Variants in OSBPL8 observed in about 807,000 individuals in gnomAD.
OSBPL8 encodes oxysterol-binding protein-related protein 8.
A neutral mutation model predicts 125.5 loss-of-function variants in OSBPL8; 59 were observed. The observed-to-expected ratio is 0.47, with a 90% confidence interval of 0.38 to 0.58. OSBPL8 has a LOEUF of 0.58. Ranked by LOEUF, OSBPL8 falls within the 20% of genes least tolerant of loss-of-function variation. The pLI is 0.00. For missense variants in OSBPL8, 758 were observed against 1,047.8 expected (o/e 0.72, Z 3.82); for synonymous variants, 330 against 338.9 (o/e 0.97, Z 0.29).
chr12:76,358,880 T>C, intron 21 of OSBPL8, 69 bp from the exon 22 acceptor site: 1 of 1,186,876 alleles, frequency 8.4e-7, no homozygotes, highest in Non-Finnish European at 1.3e-6. Context: ...TGTGTACAAT[T>C]GTCAAAATTA....
At chr12:76,392,507 C>T (rs754065155) in intron 10 of OSBPL8, 74 bp downstream of exon 10, 39 of 1,405,608 alleles carry the variant, frequency 2.8e-5, no homozygotes, top group Non-Finnish European at 3.5e-5. Flanking sequence ...TACTAAAATT[C>T]TAGGCCTGCC....
At chr12:76,406,602 G>A (rs1185387404) in intron 5 of OSBPL8, among the ~76,000 whole-genome samples, 1 of 152,116 alleles carries the variant, frequency 6.6e-6, no homozygotes, top group Non-Finnish European at 1.5e-5. Context: ...CCTAGGAAAA[G>A]GTGCATGAGA....
chr12:76,545,472 C>T (rs948420135), intron 1 of OSBPL8, among the ~76,000 whole-genome samples: 10 of 152,116 alleles, frequency 6.6e-5, no homozygotes, highest in African/African-American at 1.9e-4. Flanking sequence ...CTTAAGCTGA[C>T]GGTTCATTAC....
chr12:76,481,567 C>A (rs1179068624), intron 2 of OSBPL8, among the ~76,000 whole-genome samples: 1 of 152,060 alleles, frequency 6.6e-6, no homozygotes, highest in Admixed American at 6.6e-5. Flanking sequence ...GAATTCAAGG[C>A]TGCAGTGAGC....
intron 1 of OSBPL8, among the ~76,000 whole-genome samples, chr12:76,497,293 G>A (rs181614984): frequency 6.7e-6 from 1 of 150,062 alleles, no homozygotes; most frequent in Admixed American, 6.7e-5. Context: ...TTCTGATGTT[G>A]TAGCATGAAA....
At chr12:76,508,183 A>G (rs1178971660) in intron 1 of OSBPL8, among the ~76,000 whole-genome samples, 2 of 152,150 alleles carry the variant, frequency 1.3e-5, no homozygotes, top group Non-Finnish European at 2.9e-5. Context: ...AAAAAAAAAA[A>G]GAAGAATATT....
At chr12:76,467,398 AC>A (rs1875586114) in intron 2 of OSBPL8, among the ~76,000 whole-genome samples, 1 of 152,142 alleles carries the variant, frequency 6.6e-6, no homozygotes, top group African/African-American at 2.4e-5. Context: ...AAACTTCAAA[AC>A]ATTTCTACCT....
chr12:76,410,612 A>T lies in OSBPL8; in HGVS notation c.240T>A (p.Asp80Glu). 1.2e-6 allele frequency: 2 copies of T among 1,607,104 alleles called. No individual in the cohort carries two copies. The highest frequency in any genetic ancestry group is 8.5e-7 in the Non-Finnish European group (1 of 1,174,584). ...AAGATTCATCTTTATTTTGAGAAAT[A>T]TCTTCCTTCCCTCTTTCAAAACCTT... is the stretch of plus-strand genomic sequence containing the variant. Reference protein sequence around the residue: ...HSQGFERGKEDISQNKDESSL... With the variant: ...HSQGFERGKEEISQNKDESSL... The change falls in exon 5 of 24, where the codon GAT (aspartate) becomes GAA (glutamate). Residue 80 changes from aspartate to glutamate, a missense_variant. Asp to Glu is a conservative substitution (Grantham distance 45). This residue lies in a region of OSBPL8 where 117 missense variants were observed against 137.1 expected (regional missense o/e 0.85). Transcript: ENST00000261183.
intron 1 of OSBPL8, among the ~76,000 whole-genome samples, chr12:76,550,838 T>C (rs140581070): frequency 6.6e-6 from 1 of 152,310 alleles, no homozygotes; most frequent in Non-Finnish European, 1.5e-5. Context: ...CCAGGGTTCA[T>C]GCCTGTAATC....
intron 2 of OSBPL8, 51 bp from the exon 3 acceptor site, chr12:76,459,946 A>C: frequency 6.3e-7 from 1 of 1,593,282 alleles, no homozygotes; most frequent in Non-Finnish European, 8.6e-7. Context: ...CAAATCAGGA[A>C]GAAGCAAAAT....
intron 2 of OSBPL8, among the ~76,000 whole-genome samples, chr12:76,485,420 A>C (rs1878023813): frequency 6.6e-6 from 1 of 152,004 alleles, no homozygotes; most frequent in African/African-American, 2.4e-5. Context: ...ACAAATACAA[A>C]AAATTAGCCA....
chr12:76,453,004 T>A (rs1167436147), intron 3 of OSBPL8, among the ~76,000 whole-genome samples: 2 of 152,262 alleles, frequency 1.3e-5, no homozygotes, highest in South Asian at 2.1e-4. Context: ...TTTGGCATTT[T>A]TTTTTTTTTA....
intron 1 of OSBPL8, among the ~76,000 whole-genome samples, chr12:76,498,176 G>A (rs1027837639): frequency 1.3e-5 from 2 of 152,132 alleles, no homozygotes; most frequent in Non-Finnish European, 2.9e-5. Flanking sequence ...AGGCCCAGGC[G>A]GGCGGATCAC....
intron 1 of OSBPL8, among the ~76,000 whole-genome samples, chr12:76,553,426 G>A (rs1413362800): frequency 1.3e-5 from 2 of 150,542 alleles, no homozygotes; most frequent in Non-Finnish European, 1.5e-5. Context: ...CACTTTGGGA[G>A]ACCAAGGTGG....
intron 2 of OSBPL8, 30 bp downstream of exon 2, chr12:76,487,480 T>C (rs374157640): frequency 3.7e-5 from 58 of 1,568,372 alleles, no homozygotes; most frequent in Non-Finnish European, 4.6e-5. Context: ...TTACAGATGA[T>C]AGAACCTATG....
At chr12:76,411,919 T>G (rs1461895647) in intron 4 of OSBPL8, among the ~76,000 whole-genome samples, 2 of 152,160 alleles carry the variant, frequency 1.3e-5, no homozygotes, top group Non-Finnish European at 2.9e-5. Flanking sequence ...TGTTCACTAC[T>G]GGTGAGAACA....
At chr12:76,502,721 T>C (rs1276533670) in intron 1 of OSBPL8, among the ~76,000 whole-genome samples, 6 of 152,070 alleles carry the variant, frequency 3.9e-5, no homozygotes, top group Non-Finnish European at 8.8e-5. Flanking sequence ...CTTTGGGTCA[T>C]CCTACCAGGT....
At chr12:76,529,648 G>A (rs770035434) in intron 1 of OSBPL8, among the ~76,000 whole-genome samples, 1 of 152,126 alleles carries the variant, frequency 6.6e-6, no homozygotes, top group Admixed American at 6.5e-5. Context: ...AGAAGCTAGT[G>A]GGGGAAGAAG....
intron 3 of OSBPL8, among the ~76,000 whole-genome samples, chr12:76,451,825 G>T (rs1449115675): frequency 1.3e-5 from 2 of 152,122 alleles, no homozygotes; most frequent in Non-Finnish European, 2.9e-5. Flanking sequence ...TGTGCTTTCA[G>T]CCTATAAAAA....
Sources: allele counts gnomAD v4.1 joint callset (sites outside exome capture counted in the v4.1 genomes callset), GRCh38; gene constraint gnomAD v4.1.1; regional missense constraint gnomAD v4.1.1; transcripts MANE v1.5; gene names NCBI Gene and HGNC (gene_info 2026-07-23, HGNC 2026-07-21).